The following CORIN variants were observed in gnomAD, a reference collection of about 807,000 sequenced individuals.
CORIN encodes the protein atrial natriuretic peptide-converting enzyme.
Under a neutral mutation model 125.3 loss-of-function variants are expected in CORIN, and 117 were observed. The observed-to-expected ratio is 0.93, with a 90% CI of 0.80 to 1.09. The LOEUF is 1.09. Among genes scored for constraint, CORIN ranks in the 50% least tolerant of loss-of-function variants. The pLI is 0.00. For missense variants in CORIN, 1,253 were observed against 1,306.7 expected (o/e 0.96, Z 0.63); for synonymous variants, 450 against 466.4 (o/e 0.96, Z 0.45).
rs543198280 is a variant in CORIN at position 47,725,849 on chromosome 4, C to A, written c.799+18553G>T. Among the ~76,000 whole-genome samples the A allele has an allele frequency of 4.6e-5, 7 of 151,962 alleles. 1 individual carries two copies. The highest frequency in any genetic ancestry group is 2.6e-4 in the Admixed American group (4 of 15,258). ...AAATATTCCCAAATCATATATTGAA[C>A]AAAAGACTTGTACCCAGAATATATA... is the stretch of plus-strand genomic sequence containing the variant. On this transcript the variant is annotated intron_variant, in intron 5 of 21. Coordinates refer to ENST00000273857, the MANE Select transcript of CORIN (RefSeq NM_006587.4).
chr4:47,625,119 T>C (rs1049736373), intron 17 of CORIN, among the ~76,000 whole-genome samples: 9 of 152,140 alleles, frequency 5.9e-5, no homozygotes, highest in Non-Finnish European at 1.2e-4. Flanking sequence ...CCTAAAATTA[T>C]TTTTACTAAT....
chr4:47,793,929 TG>T (rs1212359893), intron 2 of CORIN, among the ~76,000 whole-genome samples: 2 of 152,162 alleles, frequency 1.3e-5, no homozygotes, highest in Non-Finnish European at 2.9e-5. Context: ...TGCTCGTCCA[TG>T]GGCCACACTT....
intron 5 of CORIN, among the ~76,000 whole-genome samples, chr4:47,719,228 G>A (rs1401219835): frequency 6.6e-6 from 1 of 152,150 alleles, no homozygotes; most frequent in Non-Finnish European, 1.5e-5. Flanking sequence ...CAACCACCTG[G>A]TGGTCATCCT....
intron 10 of CORIN, among the ~76,000 whole-genome samples, chr4:47,669,055 A>C (rs771345736): frequency 4.6e-5 from 7 of 152,182 alleles, no homozygotes; most frequent in Non-Finnish European, 7.3e-5. Flanking sequence ...AAACGTGAGG[A>C]TATTTTAGGG....
chr4:47,701,820 C>T (rs115933461), intron 5 of CORIN, among the ~76,000 whole-genome samples: 1 of 30,998 alleles, frequency 3.2e-5, no homozygotes, highest in Non-Finnish European at 7.0e-5. Context: ...GAAGGAAGGG[C>T]GGGAGGGAGG....
chr4:47,743,231 T>A (rs1201668804), intron 5 of CORIN, among the ~76,000 whole-genome samples: 1 of 151,900 alleles, frequency 6.6e-6, no homozygotes, highest in African/African-American at 2.4e-5. Context: ...ATTGATATTA[T>A]GGACCCATTA....
At chr4:47,768,024 A>AC (rs1729843850) in intron 3 of CORIN, among the ~76,000 whole-genome samples, 2 of 152,210 alleles carry the variant, frequency 1.3e-5, no homozygotes, top group Admixed American at 1.3e-4. Flanking sequence ...AAAAGAAGTG[A>AC]AAATGGCCTG....
chr4:47,766,847 G>A (rs375126078), intron 3 of CORIN, among the ~76,000 whole-genome samples: 1 of 151,008 alleles, frequency 6.6e-6, no homozygotes, highest in Admixed American at 6.6e-5. Context: ...TCGGGAGGCT[G>A]AGGCAGAAGA....
intron 5 of CORIN, among the ~76,000 whole-genome samples, chr4:47,722,886 T>G (rs971677448): frequency 2.0e-5 from 3 of 152,142 alleles, no homozygotes; most frequent in Admixed American, 1.3e-4. Context: ...GGAAGGGAAA[T>G]AAAAACTTAA....
rs946937211 is a variant in CORIN, at chr4:47,780,169, T to TAA, written c.409+6554_409+6555dup. Among the ~76,000 whole-genome samples the TAA allele has an allele frequency of 2.1e-5, 3 of 144,024 alleles. No homozygotes were observed. The Admixed American group carries it at 2.1e-4, about 10-fold the overall frequency. 94.5% of individuals were successfully genotyped at this position (144,024 alleles called of 152,430 possible). A position where few individuals can be genotyped will look rare whatever the true frequency, so the allele number is the denominator to read the frequency against. ...ATTCTTGGATGGGAAAGATATTTTGTAAAAAAAAAAAAGTAATAAAAACAA... is the reference window on the plus strand; with the variant it reads ...ATTCTTGGATGGGAAAGATATTTTGTAAAAAAAAAAAAAAGTAATAAAAACAA... On this transcript the variant is annotated intron_variant, in intron 3 of 21. Transcript: ENST00000273857.
In CORIN at chr4:47,771,614, C is replaced by A. The variant is rs1030154648; in HGVS notation, c.410-8028G>T. 9.2e-5 allele frequency among the ~76,000 whole-genome samples: 14 copies of A among 152,210 alleles called. No homozygotes were observed. The South Asian group carries it at 2.5e-3, about 27-fold the overall frequency. ...CTCCCACCCTCCACCCTCTGATAGA[C>A]CCCAGTGTGAATTGTTTCCCTCTAT... On this transcript the variant is annotated intron_variant, in intron 3 of 21. Transcript: ENST00000273857.
In CORIN at chr4:47,603,569, C is replaced by T. The variant is rs539641999; in HGVS notation, c.2640G>A (p.Leu880=). The change falls in exon 20 of 22, where the codon CTG becomes CTA. Residue 880 remains leucine (L), a synonymous_variant. Coordinates refer to ENST00000273857, the MANE Select transcript of CORIN (RefSeq NM_006587.4). ...CCACTGCTCGACTGTAGCGGGGATG[C>T]AGGATGATGGTCTTCACAAAGCGTG... ...MQTRFVKTII[L]HPRYSRAVVD... 3 of 1,614,156 alleles carry T rather than the reference C, an allele frequency of 1.9e-6. No individual in the cohort carries two copies. In the South Asian group the frequency reaches 3.3e-5, roughly 18 times the overall value.
intron 2 of CORIN, among the ~76,000 whole-genome samples, chr4:47,801,110 C>T (rs1731522439): frequency 6.6e-6 from 1 of 152,084 alleles, no homozygotes; most frequent in African/African-American, 2.4e-5. Context: ...AGAAGCCAAA[C>T]ATCATATTTG....
At chr4:47,635,153 C>CT (rs1020728766) in intron 16 of CORIN, among the ~76,000 whole-genome samples, 1 of 152,158 alleles carries the variant, frequency 6.6e-6, no homozygotes, top group African/African-American at 2.4e-5. Flanking sequence ...TATAGTGACA[C>CT]TTTAAACAAG....
intron 3 of CORIN, among the ~76,000 whole-genome samples, chr4:47,786,366 C>T (rs1237970763): frequency 2.6e-5 from 4 of 152,068 alleles, no homozygotes; most frequent in African/African-American, 9.7e-5. Context: ...GAAACCCCAT[C>T]TCTACCAAAA....
intron 13 of CORIN, among the ~76,000 whole-genome samples, chr4:47,647,370 T>C (rs1723536860): frequency 6.6e-6 from 1 of 152,042 alleles, no homozygotes; most frequent in Non-Finnish European, 1.5e-5. Flanking sequence ...TGAAATAAAA[T>C]AGCATGAGTT....
At chr4:47,797,558 T>A (rs1220106116) in intron 2 of CORIN, among the ~76,000 whole-genome samples, 2 of 151,990 alleles carry the variant, frequency 1.3e-5, no homozygotes, top group African/African-American at 4.8e-5. Context: ...GGCTATGGGG[T>A]TATGGATCAT....
intron 1 of CORIN, among the ~76,000 whole-genome samples, chr4:47,826,277 G>A (rs914823318): frequency 2.6e-5 from 4 of 152,174 alleles, no homozygotes; most frequent in African/African-American, 7.2e-5. Context: ...CACAAAACAC[G>A]CTTGGAAATG....
chr4:47,657,514 G>A (rs548667871), intron 12 of CORIN, among the ~76,000 whole-genome samples: 29 of 131,942 alleles, frequency 2.2e-4, no homozygotes, highest in African/African-American at 5.2e-4. Flanking sequence ...CAGCCTGGGC[G>A]ACAGAGCGAA....
Sources: gnomAD v4.1 joint callset for allele counts (sites outside exome capture counted in the v4.1 genomes callset) on GRCh38, gnomAD v4.1.1 for gene constraint, MANE v1.5 for transcripts, NCBI Gene and HGNC (gene_info 2026-07-23, HGNC 2026-07-21) for gene names.